SUPT7L: variants seen among roughly 807,000 people sequenced by gnomAD.
The protein encoded by SUPT7L is STAGA complex 65 subunit gamma.
A neutral mutation model predicts 35.7 loss-of-function variants in SUPT7L; 15 were observed. The observed-to-expected ratio is 0.42, with a 90% confidence interval of 0.28 to 0.65. The LOEUF is 0.65. Among genes scored for constraint, SUPT7L ranks in the 30% least tolerant of loss-of-function variants. The probability of loss-of-function intolerance (pLI) is 0.23; values close to 1 mark genes in which losing one functional copy is unlikely to be tolerated. For synonymous variants in SUPT7L, 168 were observed against 186.2 expected, an observed-to-expected ratio of 0.90 and a Z score of 0.79; for missense variants, 434 against 522.2, an observed-to-expected ratio of 0.83 and a Z score of 1.65.
chr2:27,656,930 T>C (rs1486837726), intron 4 of SUPT7L, among the ~76,000 whole-genome samples: 1 of 152,238 alleles, frequency 6.6e-6, no homozygotes, highest in Non-Finnish European at 1.5e-5. Context: ...TGTGCCATCA[T>C]GCCCAGCTCC....
chr2:27,653,244 A>G lies in SUPT7L; in HGVS notation c.*241T>C. ...CAATTGGGGACAGTGCTTTGGTCTG[A>G]TTGCCATGCCAGCATCATATTTTAT... On this transcript the variant is annotated 3_prime_UTR_variant, in exon 6 of 6. Coordinates refer to ENST00000337768, the MANE Select transcript of SUPT7L (RefSeq NM_014860.3). 1 of 532,434 alleles carries G rather than the reference A, an allele frequency of 1.9e-6. No individual in the cohort carries two copies. 33.0% of individuals were successfully genotyped at this position (532,434 alleles called of 1,614,324 possible). A position where few individuals can be genotyped will look rare whatever the true frequency, so the allele number is the denominator to read the frequency against.
At chr2:27,653,871 G>C in intron 5 of SUPT7L, 124 bp from the exon 6 acceptor site, 2 of 1,239,480 alleles carry the variant, frequency 1.6e-6, no homozygotes, top group South Asian at 1.5e-5. Context: ...CTCTGATTCT[G>C]TACTTGGCTG....
chr2:27,646,022 A>G (rs1674209798), downstream of SUPT7L, among the ~76,000 whole-genome samples: 1 of 148,952 alleles, frequency 6.7e-6, no homozygotes, highest in Non-Finnish European at 1.5e-5. Flanking sequence ...GAACCACTGT[A>G]CCCAGCTTGA....
chr2:27,647,932 T>G, downstream of SUPT7L: 1 of 1,603,546 alleles, frequency 6.2e-7, no homozygotes, highest in East Asian at 2.2e-5. Context: ...ACTGATGACA[T>G]TGACCACAGA....
chr2:27,650,191 C>T, downstream of SUPT7L: 1 of 1,581,548 alleles, frequency 6.3e-7, no homozygotes, highest in Non-Finnish European at 8.7e-7. Context: ...GGAAGAGAAA[C>T]AATAAATAGG....
At chr2:27,647,762 A>G, downstream of SUPT7L, 1 of 841,334 alleles carries the variant, frequency 1.2e-6, no homozygotes, top group East Asian at 2.5e-5. Context: ...CTGCCAGTTT[A>G]TGATCATAGT....
At chr2:27,648,710 A>C (rs1163592371), downstream of SUPT7L, among the ~76,000 whole-genome samples, 3 of 152,160 alleles carry the variant, frequency 2.0e-5, no homozygotes, top group Non-Finnish European at 4.4e-5. Flanking sequence ...ATCTCAGCTG[A>C]CTGCAACCGC....
chr2:27,660,490 T>C (rs1025890015), intron 3 of SUPT7L, among the ~76,000 whole-genome samples: 1 of 152,180 alleles, frequency 6.6e-6, no homozygotes, highest in African/African-American at 2.4e-5. Context: ...TCCCAAAGTC[T>C]TGGGGTTACA....
intron 3 of SUPT7L, among the ~76,000 whole-genome samples, chr2:27,660,354 G>A (rs1000102090): frequency 1.3e-5 from 2 of 151,860 alleles, no homozygotes; most frequent in Admixed American, 1.3e-4. Context: ...CTCCCGAGTA[G>A]CTGGGACTAC....
At position 27,657,302 on chromosome 2, in the gene SUPT7L, T is replaced by C; in HGVS notation, c.744+43A>G. On this transcript the variant is annotated intron_variant, in intron 4 of 5. Coordinates refer to ENST00000337768, the MANE Select transcript of SUPT7L (RefSeq NM_014860.3). This position sits in a 1 kb window ranked among gnomAD's most constrained non-coding sequence, Gnocchi z 5.2. ...TGGGATCCTGCTGAACACTCCGAGA[T>C]TGCACAGACATCTGTGCCCACTTTT... 4 of 1,588,122 alleles carry C rather than the reference T, an allele frequency of 2.5e-6. No individual in the cohort carries two copies. Among genetic ancestry groups the C allele is most frequent in the Non-Finnish European group, 3.4e-6 (4 of 1,163,474 alleles).
intron 4 of SUPT7L, among the ~76,000 whole-genome samples, chr2:27,656,902 T>A (rs1423335071): frequency 6.6e-6 from 1 of 152,214 alleles, no homozygotes; most frequent in Non-Finnish European, 1.5e-5. Flanking sequence ...GCTTCCCAAG[T>A]AGCTGGGATT....
Position 27,657,249 on chromosome 2 carries a change from T to G in SUPT7L, c.744+96A>C. Reference sequence around the variant, plus strand: ...TTAAGTTCACTCTGTTCCAAGACTCTGTGCTCTGCACTCTAGACCAAGTGT... The same window carrying G: ...TTAAGTTCACTCTGTTCCAAGACTCGGTGCTCTGCACTCTAGACCAAGTGT... On this transcript the variant is annotated intron_variant, in intron 4 of 5. Transcript: ENST00000337768. This position sits in a 1 kb window ranked among gnomAD's most constrained non-coding sequence, Gnocchi z 5.2. 1 of 1,337,734 alleles carries G rather than the reference T, an allele frequency of 7.5e-7. No individual in the cohort carries two copies. Among genetic ancestry groups the G allele is most frequent in the Non-Finnish European group, 1.0e-6 (1 of 973,352 alleles). 82.9% of individuals were successfully genotyped at this position (1,337,734 alleles called of 1,614,324 possible).
rs921423891 is a variant in SUPT7L, at chr2:27,662,118, G to A, written c.14+61C>T. 3 of 1,613,450 alleles carry A rather than the reference G, an allele frequency of 1.9e-6. No homozygotes were observed. In the Admixed American group the frequency reaches 5.0e-5, roughly 27 times the overall value. ...TCAAATGGCTTCCCATTGCCTATTG[G>A]AAAAAGTCAGAATTCCTTGGCTTAC... is the stretch of plus-strand genomic sequence containing the variant. On this transcript the variant is annotated intron_variant, in intron 2 of 5. Transcript: ENST00000337768.
chr2:27,644,869 C>T, the SUPT7L span, among the ~76,000 whole-genome samples: 17 of 151,208 alleles, frequency 1.1e-4, no homozygotes, highest in Admixed American at 9.9e-4. Flanking sequence ...TGAGATGCTA[C>T]GTGTATAATG....
the SUPT7L span, among the ~76,000 whole-genome samples, chr2:27,644,653 A>G: frequency 6.7e-6 from 1 of 148,518 alleles, no homozygotes; most frequent in Non-Finnish European, 1.5e-5. Context: ...TATTTTTTTC[A>G]TAAATAGTTG....
intron 3 of SUPT7L, among the ~76,000 whole-genome samples, chr2:27,659,319 G>T (rs1674946389): frequency 6.6e-6 from 1 of 152,066 alleles, no homozygotes; most frequent in South Asian, 2.1e-4. Context: ...ATTAGTTTGG[G>T]AACCACTAAA....
downstream of SUPT7L, among the ~76,000 whole-genome samples, chr2:27,649,602 C>T (rs920573496): frequency 6.6e-6 from 1 of 152,088 alleles, no homozygotes; most frequent in African/African-American, 2.4e-5. Context: ...CTTGCCTTTT[C>T]CAGAATGCCA....
chr2:27,662,234 G>T lies in SUPT7L; in HGVS notation c.-42C>A. 1 of 1,607,260 alleles carries T rather than the reference G, an allele frequency of 6.2e-7. No homozygotes were observed. The highest frequency in any genetic ancestry group is 8.5e-7 in the Non-Finnish European group (1 of 1,173,792). On this transcript the variant is annotated 5_prime_UTR_variant, in exon 2 of 6. Coordinates refer to ENST00000337768, the MANE Select transcript of SUPT7L (RefSeq NM_014860.3). ...CAAGTTCAACAAACATTTATCAAAT[G>T]CCAGGCATTCTGTGTCGGTCAAAGA...
chr2:27,656,650 T>C (rs1674816679), intron 4 of SUPT7L, among the ~76,000 whole-genome samples: 1 of 151,056 alleles, frequency 6.6e-6, no homozygotes, highest in South Asian at 2.1e-4. Context: ...TTTTTTTTTT[T>C]CAGACAGGGT....
Sources: allele counts gnomAD v4.1 joint callset (sites outside exome capture counted in the v4.1 genomes callset), GRCh38; gene constraint gnomAD v4.1.1; non-coding constraint Gnocchi (gnomAD v3.1); transcripts MANE v1.5; gene names NCBI Gene and HGNC (gene_info 2026-07-23, HGNC 2026-07-21).